FRMPD4: variants seen among roughly 807,000 people sequenced by gnomAD.
The protein encoded by FRMPD4 is FERM and PDZ domain containing 4.
A neutral mutation model predicts 94.1 loss-of-function variants in FRMPD4; 22 were observed. The observed-to-expected ratio is 0.23, with a 90% CI of 0.17 to 0.33. The LOEUF (loss-of-function observed/expected upper bound fraction) is 0.33, where lower values mean the gene tolerates loss of function less well. Among genes scored for constraint, FRMPD4 ranks in the 10% least tolerant of loss-of-function variants. FRMPD4 has a pLI of 1.00. For synonymous variants in FRMPD4, 631 were observed against 548.6 expected (o/e 1.15, Z -2.10); for missense variants, 1,111 against 1,339.9 (o/e 0.83, Z 2.67).
chrX:12,684,560 G>T lies in FRMPD4; in HGVS notation c.573+973G>T, dbSNP rs1022315041. Among the ~76,000 whole-genome samples the T allele has an allele frequency of 2.7e-5, 3 of 111,403 alleles. No homozygotes were observed. In the Admixed American group the frequency reaches 2.9e-4, roughly 11 times the overall value. On this transcript the variant is annotated intron_variant, in intron 6 of 16. Transcript: ENST00000675598. ...GGGGAAGGCTAGAGGCTGTGGCTGT[G>T]CTGCCCTGTGAGCATGGTCTGTTCT... is the stretch of plus-strand genomic sequence containing the variant.
intron 1 of FRMPD4, among the ~76,000 whole-genome samples, chrX:12,181,934 T>C (rs2045246239): frequency 9.0e-6 from 1 of 111,572 alleles, no homozygotes; most frequent in Non-Finnish European, 1.9e-5. Context: ...TTTTTAAATC[T>C]GCAAAAGGGT....
chrX:11,895,103 T>C (rs2053895689), intron 3 of FRMPD4, among the ~76,000 whole-genome samples: 1 of 111,932 alleles, frequency 8.9e-6, no homozygotes, highest in Middle Eastern at 4.2e-3. Flanking sequence ...TGATTCTTGC[T>C]CTTGCTTGTA....
intron 3 of FRMPD4, among the ~76,000 whole-genome samples, chrX:12,109,495 A>C (rs1304984046): frequency 8.9e-6 from 1 of 112,096 alleles, no homozygotes; most frequent in East Asian, 2.8e-4. Context: ...TCAAGACCCT[A>C]ACATCACAAT....
At chrX:12,073,163 G>C (rs1290781947) in intron 3 of FRMPD4, among the ~76,000 whole-genome samples, 3 of 110,970 alleles carry the variant, frequency 2.7e-5, no homozygotes, top group African/African-American at 9.8e-5. Context: ...ATTGCTTCCA[G>C]TTTCTTTTAA....
chrX:12,453,381 G>GTTGT (rs2057295308), intron 1 of FRMPD4, among the ~76,000 whole-genome samples: 3 of 111,907 alleles, frequency 2.7e-5, no homozygotes, highest in African/African-American at 3.2e-5. Context: ...TAGATTTTTT[G>GTTGT]TTGTTTATAT....
At chrX:11,950,530 CTGAAACTT>C (rs1449503884) in intron 3 of FRMPD4, among the ~76,000 whole-genome samples, 1 of 111,785 alleles carries the variant, frequency 8.9e-6, no homozygotes, top group Non-Finnish European at 1.9e-5. Flanking sequence ...TTCTACGTAA[CTGAAACTT>C]TGTACTCTTT....
intron 1 of FRMPD4, among the ~76,000 whole-genome samples, chrX:12,194,274 A>G (rs1156477044): frequency 9.0e-6 from 1 of 111,309 alleles, no homozygotes; most frequent in African/African-American, 3.3e-5. Context: ...TCTGGTGCAG[A>G]TTTAGATAAC....
chrX:12,512,227 T>C (rs2058050548), intron 2 of FRMPD4, among the ~76,000 whole-genome samples: 1 of 112,713 alleles, frequency 8.9e-6, no homozygotes, highest in Admixed American at 9.3e-5. Context: ...ATGAACATAT[T>C]TTTTAAGTTC....
intron 1 of FRMPD4, among the ~76,000 whole-genome samples, chrX:12,334,449 GACAAA>G (rs2055483896): frequency 1.8e-5 from 2 of 111,074 alleles, no homozygotes; most frequent in Non-Finnish European, 3.8e-5. Context: ...CAAGTGCAAT[GACAAA>G]ACTTACGTTA....
chrX:12,017,434 G>T (rs891239983), intron 3 of FRMPD4, among the ~76,000 whole-genome samples: 2 of 112,305 alleles, frequency 1.8e-5, no homozygotes, highest in Admixed American at 1.9e-4. Flanking sequence ...CTCAGTTTCA[G>T]ATGTCCACAT....
intron 3 of FRMPD4, among the ~76,000 whole-genome samples, chrX:12,021,445 T>C (rs1269143983): frequency 4.5e-5 from 5 of 111,780 alleles, no homozygotes; most frequent in Non-Finnish European, 7.5e-5. Context: ...TAACAAAATA[T>C]TCATTTGGGG....
chrX:12,153,840 T>C (rs1037725022), intron 1 of FRMPD4, among the ~76,000 whole-genome samples: 1 of 112,676 alleles, frequency 8.9e-6, no homozygotes, highest in Non-Finnish European at 1.9e-5. Flanking sequence ...TTTACATTTT[T>C]AAATGGTTCC....
intron 3 of FRMPD4, among the ~76,000 whole-genome samples, chrX:11,992,910 G>C (rs751873991): frequency 1.8e-5 from 2 of 109,031 alleles, no homozygotes; most frequent in Non-Finnish European, 3.8e-5. Flanking sequence ...CCCCCTGGAG[G>C]CTCAAATGCA....
intron 1 of FRMPD4, among the ~76,000 whole-genome samples, chrX:12,300,957 C>T (rs1300080495): frequency 8.9e-5 from 10 of 111,947 alleles, no homozygotes; most frequent in East Asian, 2.8e-4. Context: ...TCCAGCTGAC[C>T]TCAGCGCACT....
intron 1 of FRMPD4, among the ~76,000 whole-genome samples, chrX:12,444,663 C>G (rs5978533): frequency 0.17 from 18,542 of 110,893 alleles, 2,303 homozygotes; most frequent in African/African-American, 0.43. Flanking sequence ...AGTCCAAGAG[C>G]ATGACACTGA....
intron 3 of FRMPD4, among the ~76,000 whole-genome samples, chrX:12,070,786 G>C (rs1265888071): frequency 8.9e-6 from 1 of 112,357 alleles, no homozygotes; most frequent in Non-Finnish European, 1.9e-5. Flanking sequence ...TTATGGAACT[G>C]ATATTGTCCA....
At chrX:12,682,049 A>G (rs2059978047) in intron 5 of FRMPD4, among the ~76,000 whole-genome samples, 1 of 111,763 alleles carries the variant, frequency 8.9e-6, no homozygotes, top group Non-Finnish European at 1.9e-5. Flanking sequence ...AAGTGGAATC[A>G]TGCAATATGT....
At chrX:12,463,681 G>GTGTTGT (rs1555969426) in intron 1 of FRMPD4, among the ~76,000 whole-genome samples, 1 of 51,046 alleles carries the variant, frequency 2.0e-5, no homozygotes, top group Non-Finnish European at 3.4e-5. Flanking sequence ...CTATGTGTGT[G>GTGTTGT]TTTTTTTTTT....
intron 1 of FRMPD4, among the ~76,000 whole-genome samples, chrX:12,151,079 TA>T (rs2055843729): frequency 9.0e-6 from 1 of 111,696 alleles, no homozygotes; most frequent in African/African-American, 3.3e-5. Context: ...GAAAAGGGCC[TA>T]TGAGAATTTT....
Sources: gnomAD v4.1 joint callset for allele counts (sites outside exome capture counted in the v4.1 genomes callset) on GRCh38, gnomAD v4.1.1 for gene constraint, MANE v1.5 for transcripts, NCBI Gene and HGNC (gene_info 2026-07-23, HGNC 2026-07-21) for gene names.